The following NBAS variants were observed in gnomAD, a reference collection of about 807,000 sequenced individuals.
NBAS encodes the protein NBAS subunit of NRZ tethering complex.
NBAS carries 219 observed loss-of-function variants against 302.5 expected under a neutral mutation model. The ratio of observed to expected loss-of-function variants is 0.72; its 90% CI spans 0.65 to 0.81. The LOEUF is 0.81. NBAS is among the 30% of genes least tolerant of loss of function. NBAS has a pLI of 0.00. For missense variants in NBAS, 2,932 were observed against 2,841.6 expected, an observed-to-expected ratio of 1.03 and a Z score of -0.72; for synonymous variants, 1,118 against 1,021.6, an observed-to-expected ratio of 1.09 and a Z score of -1.80.
Position 15,292,786 on chromosome 2 carries a change from G to C in NBAS, c.4798-20C>G, listed in dbSNP as rs184643710. ...ATCAGCCTATGAAAGACATGGAAAA[G>C]AAGACATTTTACCAACATCATACAA... On this transcript the variant is annotated intron_variant, in intron 40 of 51. Transcript: ENST00000281513. The C allele has an allele frequency of 8.9e-5, 143 of 1,610,860 alleles. No individual in the cohort carries two copies. In the African/African-American group the frequency reaches 1.7e-3, roughly 20 times the overall value.
the NBAS span, among the ~76,000 whole-genome samples, chr2:14,785,620 A>T: frequency 6.6e-6 from 1 of 152,280 alleles, no homozygotes; most frequent in East Asian, 1.9e-4. Context: ...GCTGGATTAC[A>T]TTTATTGATT....
intron 48 of NBAS, among the ~76,000 whole-genome samples, chr2:15,211,927 C>T (rs1666430754): frequency 6.6e-6 from 1 of 152,156 alleles, no homozygotes; most frequent in Non-Finnish European, 1.5e-5. Context: ...TTCCAAAAAG[C>T]ATTCTTCAGA....
chr2:15,246,362 G>A (rs1668094847), intron 44 of NBAS, among the ~76,000 whole-genome samples: 1 of 152,146 alleles, frequency 6.6e-6, no homozygotes, highest in African/African-American at 2.4e-5. Flanking sequence ...GATCCTTTAG[G>A]ATAGAAACTG....
At chr2:15,245,612 T>TGGATGGAC (rs1668059277) in intron 44 of NBAS, among the ~76,000 whole-genome samples, 1 of 141,730 alleles carries the variant, frequency 7.1e-6, no homozygotes, top group Non-Finnish European at 1.5e-5. Flanking sequence ...AATGGAAGGA[T>TGGATGGAC]GGATGGATGG....
At chr2:15,217,111 G>C (rs1184235700) in intron 48 of NBAS, among the ~76,000 whole-genome samples, 1 of 152,176 alleles carries the variant, frequency 6.6e-6, no homozygotes, top group Admixed American at 6.5e-5. Flanking sequence ...AGAGCTTGTG[G>C]CCTATGCCTT....
At chr2:15,536,335 A>G (rs944640781) in intron 8 of NBAS, 83 bp downstream of exon 8, 1 of 1,518,236 alleles carries the variant, frequency 6.6e-7, no homozygotes. Context: ...CAGAAAGCAA[A>G]AAAAAAAAGA....
At chr2:15,159,814 C>CA in the NBAS span, among the ~76,000 whole-genome samples, 1 of 151,796 alleles carries the variant, frequency 6.6e-6, no homozygotes, top group Non-Finnish European at 1.5e-5. Context: ...CACACACACA[C>CA]ACACACACAC....
the NBAS span, among the ~76,000 whole-genome samples, chr2:15,043,101 C>A: frequency 1.4e-4 from 22 of 152,166 alleles, no homozygotes; most frequent in Non-Finnish European, 2.8e-4. Context: ...TCCTACTTAA[C>A]GGCACTTTAC....
intron 41 of NBAS, among the ~76,000 whole-genome samples, 153 bp downstream of exon 41, chr2:15,292,384 T>A (rs1030007768): frequency 5.3e-5 from 8 of 152,166 alleles, no homozygotes; most frequent in African/African-American, 1.9e-4. Flanking sequence ...AAGGCACACA[T>A]CCCACATAAG....
At chr2:15,328,063 A>T in intron 37 of NBAS, 136 bp downstream of exon 37, 1 of 1,170,768 alleles carries the variant, frequency 8.5e-7, no homozygotes, top group Non-Finnish European at 1.2e-6. Flanking sequence ...TATACCAAAA[A>T]AATGTAAAAA....
chr2:15,314,391 A>C (rs1203325955), intron 38 of NBAS, among the ~76,000 whole-genome samples: 2 of 152,114 alleles, frequency 1.3e-5, no homozygotes, highest in African/African-American at 2.4e-5. Flanking sequence ...ACAACAAAAA[A>C]CAAGTATTAA....
intron 37 of NBAS, 53 bp downstream of exon 37, chr2:15,328,146 T>C: frequency 1.3e-6 from 2 of 1,532,154 alleles, no homozygotes; most frequent in Non-Finnish European, 1.8e-6. Flanking sequence ...TTGTTTCTAC[T>C]GTCTACAACA....
chr2:15,123,966 G>T, the NBAS span, among the ~76,000 whole-genome samples: 1 of 152,334 alleles, frequency 6.6e-6, no homozygotes, highest in Middle Eastern at 3.4e-3. Flanking sequence ...GGAAGGCTTA[G>T]AGAAGACAGG....
intron 49 of NBAS, among the ~76,000 whole-genome samples, chr2:15,187,548 G>A (rs1432605043): frequency 6.6e-6 from 1 of 151,950 alleles, no homozygotes; most frequent in Non-Finnish European, 1.5e-5. Flanking sequence ...TCCTTGTATT[G>A]GAAACATAAA....
the NBAS span, among the ~76,000 whole-genome samples, chr2:14,984,397 G>C: frequency 6.6e-6 from 1 of 152,178 alleles, no homozygotes; most frequent in African/African-American, 2.4e-5. Context: ...TGAAACAAGG[G>C]CAATTTCCAA....
At chr2:14,927,973 G>T in the NBAS span, among the ~76,000 whole-genome samples, 9 of 152,204 alleles carry the variant, frequency 5.9e-5, 1 homozygote, top group South Asian at 1.9e-3. Context: ...TTATTCCATA[G>T]GGTATTTTGT....
chr2:15,288,261 G>A (rs1344780411), intron 41 of NBAS, among the ~76,000 whole-genome samples: 4 of 152,204 alleles, frequency 2.6e-5, no homozygotes, highest in Non-Finnish European at 5.9e-5. Context: ...TTTTTCTTGA[G>A]GAATTCACAG....
chr2:14,893,280 T>C, the NBAS span, among the ~76,000 whole-genome samples: 19,366 of 152,172 alleles, frequency 0.13, 2,394 homozygotes, highest in African/African-American at 0.32. Context: ...ATGATCTAAT[T>C]TTTTTGTCTT....
At position 15,347,817 on chromosome 2, in the gene NBAS, T is replaced by C. The variant is rs893923103; in HGVS notation, c.4179+4175A>G. 1.2e-4 allele frequency among the ~76,000 whole-genome samples: 18 copies of C among 152,274 alleles called. No individual in the cohort carries two copies. The South Asian group carries it at 2.3e-3, about 19-fold the overall frequency. On this transcript the variant is annotated intron_variant, in intron 35 of 51. Transcript: ENST00000281513. ...AGAAATTGGAAATCTGTAATTTTGG[T>C]AGTTATTCACAAATTATGCATTTTG...
Sources: allele counts gnomAD v4.1 joint callset (sites outside exome capture counted in the v4.1 genomes callset), GRCh38; gene constraint gnomAD v4.1.1; transcripts MANE v1.5; gene names NCBI Gene and HGNC (gene_info 2026-07-23, HGNC 2026-07-21).